CADPS2: variants seen among roughly 807,000 people sequenced by gnomAD.
CADPS2 encodes the protein calcium-dependent secretion activator 2.
In CADPS2, 93 loss-of-function variants were observed where a neutral mutation model predicts 172.5. The ratio of observed to expected loss-of-function variants is 0.54; its 90% CI spans 0.46 to 0.64. The LOEUF is 0.64. CADPS2 is among the 30% of genes least tolerant of loss of function. The pLI, the probability that CADPS2 is intolerant of heterozygous loss-of-function variation, is 0.00. For missense variants in CADPS2, 1,420 were observed against 1,565.9 expected, an observed-to-expected ratio of 0.91 and a Z score of 1.57; for synonymous variants, 546 against 555.2, an observed-to-expected ratio of 0.98 and a Z score of 0.23.
intron 6 of CADPS2, among the ~76,000 whole-genome samples, chr7:122,614,545 C>A (rs2074677127): frequency 6.6e-6 from 1 of 152,148 alleles, no homozygotes; most frequent in African/African-American, 2.4e-5. Flanking sequence ...CAAATTGAAT[C>A]TGAATTCCTC....
At chr7:122,662,243 G>A (rs1212566908) in intron 3 of CADPS2, among the ~76,000 whole-genome samples, 1 of 152,018 alleles carries the variant, frequency 6.6e-6, no homozygotes, top group African/African-American at 2.4e-5. Flanking sequence ...TTTTATATTA[G>A]GGCATAGTTA....
chr7:122,697,643 C>G (rs2136180243), intron 2 of CADPS2: 8 of 673,338 alleles, frequency 1.2e-5, no homozygotes, highest in East Asian at 2.8e-5. Flanking sequence ...TTTTTGCTAT[C>G]TTTGAGGTTG....
At chr7:122,615,521 C>T (rs1250409460) in intron 5 of CADPS2, among the ~76,000 whole-genome samples, 1 of 152,042 alleles carries the variant, frequency 6.6e-6, no homozygotes, top group African/African-American at 2.4e-5. Flanking sequence ...AATATATCTG[C>T]TGCCAGATAC....
rs754368935 is a variant in CADPS2, at chr7:122,753,820, C to T, written c.340-16752G>A. ...ACATACACACTTACTCCCCTACTCA[C>T]CCACTGGGGTGTTGCATATTTCACA... On this transcript the variant is annotated intron_variant, in intron 1 of 29. Transcript: ENST00000449022. 3.3e-5 allele frequency among the ~76,000 whole-genome samples: 5 copies of T among 152,168 alleles called. 1 individual carries two copies. In the South Asian group the frequency reaches 6.2e-4, roughly 19 times the overall value.
Position 122,826,268 on chromosome 7 carries a change from C to T in CADPS2, c.339+59731G>A, listed in dbSNP as rs575905746. ...AGTGAGGAACCTGCACTTCTACCTCCATTTGGACTTAAGAAGGCAGTGTTC... is the reference window on the plus strand; with the variant it reads ...AGTGAGGAACCTGCACTTCTACCTCTATTTGGACTTAAGAAGGCAGTGTTC... On this transcript the variant is annotated intron_variant, in intron 1 of 29. Transcript: ENST00000449022. Among the ~76,000 whole-genome samples, 5 of 152,334 alleles carry T rather than the reference C, an allele frequency of 3.3e-5. No individual in the cohort carries two copies. The East Asian group carries it at 7.7e-4, about 24-fold the overall frequency.
At chr7:122,616,278 C>T (rs764453966) in intron 5 of CADPS2, among the ~76,000 whole-genome samples, 18 of 151,974 alleles carry the variant, frequency 1.2e-4, no homozygotes, top group Non-Finnish European at 1.9e-4. Context: ...TCATGTTATG[C>T]AGCGACCAAA....
chr7:122,806,077 C>T (rs1345618665), intron 1 of CADPS2, among the ~76,000 whole-genome samples: 2 of 152,014 alleles, frequency 1.3e-5, no homozygotes, highest in Non-Finnish European at 2.9e-5. Flanking sequence ...AAGTACTAGC[C>T]CTGATTTCTT....
intron 17 of CADPS2, among the ~76,000 whole-genome samples, chr7:122,428,689 G>A (rs2049496767): frequency 6.6e-6 from 1 of 151,862 alleles, no homozygotes; most frequent in Admixed American, 6.6e-5. Flanking sequence ...GGCTGGTCTC[G>A]AACTCCTGAC....
chr7:122,368,397 G>A (rs1370537236), intron 25 of CADPS2, among the ~76,000 whole-genome samples: 5 of 152,154 alleles, frequency 3.3e-5, no homozygotes, highest in African/African-American at 1.2e-4. Context: ...GCTGAGTTCT[G>A]CATGGTGTTG....
At chr7:122,379,750 T>C (rs1257410234) in intron 24 of CADPS2, among the ~76,000 whole-genome samples, 1 of 152,018 alleles carries the variant, frequency 6.6e-6, no homozygotes, top group Non-Finnish European at 1.5e-5. Flanking sequence ...TCCTCTATAA[T>C]TAAGGTGGCC....
chr7:122,808,339 G>A (rs4607548), intron 1 of CADPS2, among the ~76,000 whole-genome samples: 4 of 152,034 alleles, frequency 2.6e-5, no homozygotes, highest in Admixed American at 2.6e-4. Context: ...AATTAAGAAA[G>A]TAAAATGTGG....
chr7:122,411,180 T>C (rs1313169572), intron 19 of CADPS2, among the ~76,000 whole-genome samples: 1 of 152,074 alleles, frequency 6.6e-6, no homozygotes, highest in Non-Finnish European at 1.5e-5. Context: ...TTGATTTCTT[T>C]ATATCTTTTC....
At chr7:122,337,359 C>G (rs2036012249) in intron 28 of CADPS2, among the ~76,000 whole-genome samples, 1 of 152,158 alleles carries the variant, frequency 6.6e-6, no homozygotes, top group African/African-American at 2.4e-5. Context: ...TGGGAATGTG[C>G]CAAATGACAA....
chr7:122,434,184 G>A (rs887123757), intron 17 of CADPS2, among the ~76,000 whole-genome samples: 2 of 152,214 alleles, frequency 1.3e-5, no homozygotes, highest in Non-Finnish European at 1.5e-5. Context: ...ACAATGTGCT[G>A]TCATAAGAGG....
chr7:122,772,842 T>C (rs1350732910), intron 1 of CADPS2, among the ~76,000 whole-genome samples: 1 of 152,044 alleles, frequency 6.6e-6, no homozygotes, highest in African/African-American at 2.4e-5. Flanking sequence ...CATATAAAGT[T>C]ACAAGAAAAT....
chr7:122,782,368 A>C (rs1196137267), intron 1 of CADPS2, among the ~76,000 whole-genome samples: 1 of 152,070 alleles, frequency 6.6e-6, no homozygotes, highest in Admixed American at 6.6e-5. Flanking sequence ...TTACTGAAAC[A>C]CCAGTAGCAA....
intron 1 of CADPS2, among the ~76,000 whole-genome samples, chr7:122,769,013 C>A (rs1394130120): frequency 6.6e-6 from 1 of 151,576 alleles, no homozygotes; most frequent in Non-Finnish European, 1.5e-5. Flanking sequence ...TAGATCACAA[C>A]AAGGCTGCCA....
intron 1 of CADPS2, among the ~76,000 whole-genome samples, chr7:122,829,040 A>T (rs557370232): frequency 4.6e-5 from 7 of 152,222 alleles, no homozygotes; most frequent in African/African-American, 7.2e-5. Context: ...TAAAAGCATT[A>T]TATATTTAAA....
At chr7:122,645,565 A>T (rs1285944319) in intron 3 of CADPS2, among the ~76,000 whole-genome samples, 1 of 127,598 alleles carries the variant, frequency 7.8e-6, no homozygotes, top group African/African-American at 2.8e-5. Flanking sequence ...TAGAGAATAT[A>T]TATGCATATT....
Sources: allele counts gnomAD v4.1 joint callset (sites outside exome capture counted in the v4.1 genomes callset), GRCh38; gene constraint gnomAD v4.1.1; transcripts MANE v1.5; gene names NCBI Gene and HGNC (gene_info 2026-07-23, HGNC 2026-07-21).